Variants in KLB observed in about 807,000 individuals in gnomAD.
KLB encodes the protein klotho beta, also known as beta-klotho.
Under a neutral mutation model 88.4 loss-of-function variants are expected in KLB, and 44 were observed. The ratio of observed to expected loss-of-function variants is 0.50; its 90% CI spans 0.39 to 0.64. The LOEUF (loss-of-function observed/expected upper bound fraction) is 0.64, where lower values mean the gene tolerates loss of function less well. Ranked by LOEUF, KLB falls within the 30% of genes least tolerant of loss-of-function variation. The pLI, the probability that KLB is intolerant of heterozygous loss-of-function variation, is 0.00. For synonymous variants in KLB, 548 were observed against 513.4 expected (o/e 1.07, Z -0.91); for missense variants, 1,137 against 1,304.8 (o/e 0.87, Z 1.98).
Position 39,448,651 on chromosome 4 carries a change from A to G in KLB, c.3100A>G (p.Ile1034Val), listed in dbSNP as rs1407429954. 14 of 1,612,484 alleles carry G rather than the reference A, an allele frequency of 8.7e-6. No individual in the cohort carries two copies. In the East Asian group the frequency reaches 2.7e-4, roughly 31 times the overall value. The change falls in exon 5 of 5, where the codon ATA becomes GTA. Residue 1034 changes from isoleucine (I) to valine (V), a missense_variant. By Grantham distance (29) the Ile-to-Val change is conservative. Around this residue, in one of 4 missense-constraint regions of KLB, gnomAD observed 426 missense variants for 404.6 expected, o/e 1.05. Transcript: ENST00000257408. ...TTGGAAAGCAAAAAACTTACAACAC[A>G]TACCATTAAAGAAAGGCAAGAGAGT... ...KFWKAKNLQH[I>V]PLKKGKRVVS
At chr4:39,447,977 G>A (rs1743798071) in intron 4 of KLB, among the ~76,000 whole-genome samples, 1 of 152,126 alleles carries the variant, frequency 6.6e-6, no homozygotes, top group South Asian at 2.1e-4. Context: ...AGGCCAAATA[G>A]GCAACGTTTT....
intron 3 of KLB, among the ~76,000 whole-genome samples, chr4:39,438,884 G>A (rs536277520): frequency 2.5e-4 from 38 of 152,002 alleles, no homozygotes; most frequent in Non-Finnish European, 4.6e-4. Flanking sequence ...ACGGGGGGAG[G>A]AAAGTGAGAC....
rs1352475027 is a variant in KLB, at chr4:39,449,523, T to C, written c.*837T>C. On this transcript the variant is annotated 3_prime_UTR_variant, in exon 5 of 5. Transcript: ENST00000257408. The stretch of plus-strand genomic sequence containing the variant: ...GTAAGTAGTGCTTGTCTAAGCCAGT[T>C]ACAACACAGACTCTTAAAGAGGATC... The C allele has an allele frequency of 6.8e-6, 1 of 146,408 alleles. No homozygotes were observed. Among genetic ancestry groups the C allele is most frequent in the Admixed American group, 6.7e-5 (1 of 14,944 alleles). The allele number at this position is 146,408 out of a possible 1,614,324, so 9.1% of individuals were successfully genotyped here. A position where few individuals can be genotyped will look rare whatever the true frequency, so the allele number is the denominator to read the frequency against.
At chr4:39,415,009 A>G (rs1335476330) in intron 1 of KLB, among the ~76,000 whole-genome samples, 1 of 151,764 alleles carries the variant, frequency 6.6e-6, no homozygotes, top group Non-Finnish European at 1.5e-5. Flanking sequence ...GTTTTTTGAG[A>G]AGGAGTGATT....
In KLB at chr4:39,448,727, C is replaced by T; in HGVS notation, c.*41C>T. 6.4e-7 allele frequency: 1 copy of T among 1,557,616 alleles called. No homozygotes were observed. Among genetic ancestry groups the T allele is most frequent in the Non-Finnish European group, 8.7e-7 (1 of 1,154,390 alleles). Reference sequence around the variant, plus strand: ...TGATAGACAGTTTAAAAATTCATCCCAGTTCCATATGCTGGTAACTTACAG... The same window carrying T: ...TGATAGACAGTTTAAAAATTCATCCTAGTTCCATATGCTGGTAACTTACAG... On this transcript the variant is annotated 3_prime_UTR_variant, in exon 5 of 5. Transcript: ENST00000257408.
At chr4:39,408,955 A>AAC (rs1553930501) in intron 1 of KLB, among the ~76,000 whole-genome samples, 1 of 109,128 alleles carries the variant, frequency 9.2e-6, no homozygotes, top group African/African-American at 3.0e-5. Flanking sequence ...GTAGAAAAAA[A>AAC]ATACAGCAAC....
At chr4:39,433,818 C>T (rs999260053) in intron 1 of KLB, among the ~76,000 whole-genome samples, 22 of 152,016 alleles carry the variant, frequency 1.4e-4, no homozygotes, top group African/African-American at 4.6e-4. Flanking sequence ...TGAGATCGCA[C>T]CACTACACTC....
At chr4:39,427,763 G>A (rs763299261) in intron 1 of KLB, among the ~76,000 whole-genome samples, 5 of 152,108 alleles carry the variant, frequency 3.3e-5, no homozygotes, top group Admixed American at 2.0e-4. Context: ...TCAAATTTAC[G>A]TTTGTGTCAT....
At chr4:39,419,998 T>C (rs1743047064) in intron 1 of KLB, among the ~76,000 whole-genome samples, 1 of 148,070 alleles carries the variant, frequency 6.8e-6, no homozygotes, top group Admixed American at 6.7e-5. Flanking sequence ...TGATTAAAAC[T>C]ACTGAACATT....
Position 39,447,194 on chromosome 4 carries a change from T to C in KLB, c.2468T>C (p.Leu823Pro). 1 of 1,613,852 alleles carries C rather than the reference T, an allele frequency of 6.2e-7. No individual in the cohort carries two copies. Among genetic ancestry groups the C allele is most frequent in the Non-Finnish European group, 8.5e-7 (1 of 1,180,030 alleles). The change falls in exon 4 of 5, where the codon CTC (leucine) becomes CCC (proline). Residue 823 changes from leucine to proline, a missense_variant. Physicochemically the swap from Leu to Pro is moderately conservative, Grantham distance 98. This residue lies in a region of KLB where 426 missense variants were observed against 404.6 expected (regional missense o/e 1.05). Coordinates refer to ENST00000257408, the MANE Select transcript of KLB (RefSeq NM_175737.4). ...LLKGTVDFCA[L>P]NHFTTRFVMH... ...AAGGGCACGGTCGACTTCTGCGCGC[T>C]CAACCACTTCACCACTAGGTTCGTG...
chr4:39,418,523 G>A (rs556206007), intron 1 of KLB, among the ~76,000 whole-genome samples: 3 of 152,104 alleles, frequency 2.0e-5, no homozygotes, highest in East Asian at 3.9e-4. Context: ...ACAGATGTGA[G>A]CACTGTGCCC....
chr4:39,447,351 G>T lies in KLB; in HGVS notation c.2625G>T (p.Trp875Cys). Reference protein sequence around the residue: ...IPWGVRKLLRWVRRNYGDMDI... With the variant: ...IPWGVRKLLRCVRRNYGDMDI... Reference sequence around the variant, plus strand: ...GGGGGGTGCGCAAGCTGCTGCGGTGGGTCCGGAGGAACTACGGCGACATGG... The same window carrying T: ...GGGGGGTGCGCAAGCTGCTGCGGTGTGTCCGGAGGAACTACGGCGACATGG... The change falls in exon 4 of 5, where the codon TGG becomes TGT. Residue 875 changes from tryptophan to cysteine, a missense_variant. Transcript: ENST00000257408. 6.2e-7 allele frequency: 1 copy of T among 1,614,070 alleles called. No individual in the cohort carries two copies. The highest frequency in any genetic ancestry group is 1.3e-5 in the African/African-American group (1 of 75,062).
chr4:39,412,202 A>C (rs1448630628), intron 1 of KLB, among the ~76,000 whole-genome samples: 1 of 152,102 alleles, frequency 6.6e-6, no homozygotes, highest in Non-Finnish European at 1.5e-5. Context: ...CTTGTACCCC[A>C]AAACTATTGA....
In KLB at chr4:39,437,825, T is replaced by C. The variant is rs771437751; in HGVS notation, c.1435T>C (p.Phe479Leu). Reference sequence around the variant, plus strand: ...TGCTTACACCATCCGCCGAGGATTATTTTATGTGGATTTTAACAGTAAACA... The same window carrying C: ...TGCTTACACCATCCGCCGAGGATTACTTTATGTGGATTTTAACAGTAAACA... Reference protein sequence around the residue: ...QDAYTIRRGLFYVDFNSKQKE... With the variant: ...QDAYTIRRGLLYVDFNSKQKE... Residue 479 changes from phenylalanine to leucine, a missense_variant, in exon 3 of 5, where the codon TTT becomes CTT. By Grantham distance (22) the Phe-to-Leu change is conservative. Transcript: ENST00000257408. 2 of 1,614,082 alleles carry C rather than the reference T, an allele frequency of 1.2e-6. No individual in the cohort carries two copies. The highest frequency in any genetic ancestry group is 1.3e-5 in the African/African-American group (1 of 74,932).
At position 39,447,261 on chromosome 4, in the gene KLB, G is replaced by A. The variant is rs1350195397; in HGVS notation, c.2535G>A (p.Arg845=). Reference sequence around the variant, plus strand: ...CCGGCAGCCGCTACGACTCGGACAGGGACATCCAGTTTCTGCAGGACATCA... The same window carrying A: ...CCGGCAGCCGCTACGACTCGGACAGAGACATCCAGTTTCTGCAGGACATCA... ...QLAGSRYDSD[R]DIQFLQDITR... Residue 845 remains arginine (R), a synonymous_variant, in exon 4 of 5, where the codon AGG becomes AGA. Transcript: ENST00000257408. 6.2e-7 allele frequency: 1 copy of A among 1,614,112 alleles called. No homozygotes were observed. Among genetic ancestry groups the A allele is most frequent in the South Asian group, 1.1e-5 (1 of 91,082 alleles).
chr4:39,450,355 G>A lies in KLB; in HGVS notation c.*1669G>A, dbSNP rs1743865478. On this transcript the variant is annotated 3_prime_UTR_variant, in exon 5 of 5. Coordinates refer to ENST00000257408, the MANE Select transcript of KLB (RefSeq NM_175737.4). ...GACGTTCTTCTGTTACAAAGCCTTA[G>A]TAAATTAAGGCAGTTTTGATTATAT... 6.6e-6 allele frequency: 1 copy of A among 152,202 alleles called. No individual in the cohort carries two copies. Among genetic ancestry groups the A allele is most frequent in the Admixed American group, 6.5e-5 (1 of 15,270 alleles). 9.4% of individuals were successfully genotyped at this position (152,202 alleles called of 1,614,324 possible).
intron 3 of KLB, among the ~76,000 whole-genome samples, chr4:39,442,516 C>T (rs929494905): frequency 6.6e-6 from 1 of 151,398 alleles, no homozygotes; most frequent in African/African-American, 2.4e-5. Context: ...TTACTGCAAC[C>T]TCTGCCTCCC....
intron 1 of KLB, among the ~76,000 whole-genome samples, chr4:39,413,960 C>G (rs898278103): frequency 6.6e-6 from 1 of 152,070 alleles, no homozygotes; most frequent in African/African-American, 2.4e-5. Context: ...GGTAGGCTGT[C>G]CTGTGCAATG....
rs201156133 is a variant in KLB at position 39,430,409 on chromosome 4, G to A, written c.826-3801G>A. 1.6e-3 allele frequency among the ~76,000 whole-genome samples: 210 copies of A among 133,878 alleles called. 1 individual carries two copies. Among genetic ancestry groups the A allele is most frequent in the Admixed American group, 2.5e-3 (31 of 12,244 alleles). 87.8% of individuals were successfully genotyped at this position (133,878 alleles called of 152,430 possible). On this transcript the variant is annotated intron_variant, in intron 1 of 4. Transcript: ENST00000257408. Reference sequence around the variant, plus strand: ...TTATGACTGCTTTTGTTTCTAATTAGAAAAAAAAAAAAGCGGTTCTCAAGA... The same window carrying A: ...TTATGACTGCTTTTGTTTCTAATTAAAAAAAAAAAAAAGCGGTTCTCAAGA...
Sources: gnomAD v4.1 joint callset for allele counts (sites outside exome capture counted in the v4.1 genomes callset) on GRCh38, gnomAD v4.1.1 for gene constraint, gnomAD v4.1.1 regional missense constraint, MANE v1.5 for transcripts, NCBI Gene and HGNC (gene_info 2026-07-23, HGNC 2026-07-21) for gene names.